The following TAFA4 variants were observed in gnomAD, a reference collection of about 807,000 sequenced individuals.
The protein encoded by TAFA4 is TAFA chemokine like family member 4, also known as chemokine-like protein TAFA-4.
TAFA4 carries 20 observed loss-of-function variants against 21.1 expected under a neutral mutation model. That is an observed-to-expected ratio of 0.95 (90% CI 0.67 to 1.38). The LOEUF (loss-of-function observed/expected upper bound fraction) is 1.38, where lower values mean the gene tolerates loss of function less well. TAFA4 is among the 40% of genes most tolerant of loss of function. The pLI, the probability that TAFA4 is intolerant of heterozygous loss-of-function variation, is 0.00. For synonymous variants in TAFA4, 71 were observed against 67.4 expected (o/e 1.05, Z -0.26); for missense variants, 211 against 180.9 (o/e 1.17, Z -0.95).
chr3:68,916,090 T>C (rs1386663609), intron 1 of TAFA4: 1 of 152,236 alleles, frequency 6.6e-6, no homozygotes, highest in Non-Finnish European at 1.5e-5. Flanking sequence ...AATTCTTTCT[T>C]GTGGAATGCT....
At chr3:68,779,888 G>T (rs1317382397) in intron 3 of TAFA4, among the ~76,000 whole-genome samples, 1 of 152,180 alleles carries the variant, frequency 6.6e-6, no homozygotes, top group Admixed American at 6.5e-5. Flanking sequence ...CCAACAGCTT[G>T]CACCGTGCTG....
chr3:68,921,746 A>G (rs562862536), intron 1 of TAFA4, among the ~76,000 whole-genome samples: 74 of 152,350 alleles, frequency 4.9e-4, no homozygotes, highest in African/African-American at 1.7e-3. Flanking sequence ...TAGGATTACA[A>G]TTTAAATCAG....
chr3:68,760,074 A>T (rs1702732741), intron 3 of TAFA4, among the ~76,000 whole-genome samples: 1 of 152,132 alleles, frequency 6.6e-6, no homozygotes, highest in African/African-American at 2.4e-5. Context: ...CTGTTCAAAA[A>T]AGAAGACTTA....
chr3:68,841,811 C>T (rs1389836771), intron 3 of TAFA4, among the ~76,000 whole-genome samples: 1 of 152,044 alleles, frequency 6.6e-6, no homozygotes, highest in African/African-American at 2.4e-5. Flanking sequence ...GTTATTCGTC[C>T]TTGTGATATT....
At chr3:68,818,548 T>C (rs1704038991) in intron 3 of TAFA4, among the ~76,000 whole-genome samples, 1 of 152,190 alleles carries the variant, frequency 6.6e-6, no homozygotes, top group Non-Finnish European at 1.5e-5. Context: ...ACCTGTAGCT[T>C]TTGATTCAAA....
chr3:68,796,408 T>A (rs1703454347), intron 3 of TAFA4, among the ~76,000 whole-genome samples: 1 of 152,118 alleles, frequency 6.6e-6, no homozygotes. Context: ...AAAGACACAG[T>A]GCAACTATAA....
intron 3 of TAFA4, among the ~76,000 whole-genome samples, chr3:68,878,187 G>A (rs1380343098): frequency 6.6e-6 from 1 of 152,146 alleles, no homozygotes; most frequent in African/African-American, 2.4e-5. Context: ...TTGAAATAGT[G>A]CAGTCCAGGT....
chr3:68,834,578 T>C (rs1044812962), intron 3 of TAFA4, among the ~76,000 whole-genome samples: 15 of 152,286 alleles, frequency 9.8e-5, no homozygotes, highest in South Asian at 8.3e-4. Context: ...ATAGCTAATA[T>C]GCATTTCAAC....
chr3:68,807,734 G>C (rs1165166764), intron 3 of TAFA4, among the ~76,000 whole-genome samples: 1 of 152,134 alleles, frequency 6.6e-6, no homozygotes. Flanking sequence ...TTTGTTCAGA[G>C]CTTTATCAAG....
intron 3 of TAFA4, among the ~76,000 whole-genome samples, chr3:68,808,715 T>A (rs1703760702): frequency 6.6e-6 from 1 of 152,182 alleles, no homozygotes; most frequent in Non-Finnish European, 1.5e-5. Context: ...AACCTAGAGA[T>A]AACAATTAAG....
intron 1 of TAFA4, among the ~76,000 whole-genome samples, chr3:68,908,344 G>A (rs1421344810): frequency 2.0e-5 from 3 of 152,214 alleles, no homozygotes; most frequent in South Asian, 4.1e-4. Context: ...ACAGCTCTAG[G>A]GCTTTGTTAA....
intron 4 of TAFA4, among the ~76,000 whole-genome samples, chr3:68,746,367 C>A (rs929927703): frequency 6.6e-6 from 1 of 152,154 alleles, no homozygotes; most frequent in South Asian, 2.1e-4. Context: ...AGTCCCGTCC[C>A]TCTAGAGAAC....
At chr3:68,924,340 C>G (rs2090087108) in intron 1 of TAFA4, among the ~76,000 whole-genome samples, 1 of 152,090 alleles carries the variant, frequency 6.6e-6, no homozygotes, top group Non-Finnish European at 1.5e-5. Flanking sequence ...CATGGATGAA[C>G]CTTGAAGACA....
intron 4 of TAFA4, among the ~76,000 whole-genome samples, chr3:68,750,541 T>C (rs537850589): frequency 3.0e-4 from 46 of 152,264 alleles, no homozygotes; most frequent in African/African-American, 1.1e-3. Flanking sequence ...AATACACAGA[T>C]ATACAGAAAA....
intron 3 of TAFA4, among the ~76,000 whole-genome samples, chr3:68,790,823 A>C (rs1703347386): frequency 1.3e-5 from 2 of 152,158 alleles, no homozygotes; most frequent in South Asian, 2.1e-4. Flanking sequence ...GGAAGGAAGC[A>C]AGTCTCAGGA....
chr3:68,843,146 T>C (rs1358642303), intron 3 of TAFA4, among the ~76,000 whole-genome samples: 3 of 152,232 alleles, frequency 2.0e-5, no homozygotes, highest in Non-Finnish European at 2.9e-5. Context: ...TTTCACAATA[T>C]TGATTCTTCC....
intron 3 of TAFA4, among the ~76,000 whole-genome samples, chr3:68,806,460 C>G (rs1575616411): frequency 6.6e-6 from 1 of 152,148 alleles, no homozygotes; most frequent in African/African-American, 2.4e-5. Flanking sequence ...ATTATATACT[C>G]TATTAAGCCT....
intron 3 of TAFA4, among the ~76,000 whole-genome samples, chr3:68,839,071 C>T (rs1394888226): frequency 2.6e-5 from 4 of 152,188 alleles, no homozygotes; most frequent in African/African-American, 7.2e-5. Context: ...GCACTCCAGC[C>T]TGGGAGACAG....
rs535423421 is a variant in TAFA4, at chr3:68,838,583, C to T, written c.130+42147G>A. Among the ~76,000 whole-genome samples, 5 of 152,250 alleles carry T rather than the reference C, an allele frequency of 3.3e-5. No individual in the cohort carries two copies. In the South Asian group the frequency reaches 1.0e-3, roughly 32 times the overall value. On this transcript the variant is annotated intron_variant, in intron 3 of 5. Transcript: ENST00000295569. ...TCAGCAGACATTTTCTGTGAAGGGC[C>T]AGACAGTAAATATTTTAGGGTTTGC...
Sources: allele counts gnomAD v4.1 joint callset (sites outside exome capture counted in the v4.1 genomes callset), GRCh38; gene constraint gnomAD v4.1.1; transcripts MANE v1.5; gene names NCBI Gene and HGNC (gene_info 2026-07-23, HGNC 2026-07-21).